Variants in ABCA3 observed in about 807,000 individuals in gnomAD.
ABCA3 encodes ATP binding cassette subfamily A member 3, also known as phospholipid-transporting ATPase ABCA3.
ABCA3 carries 88 observed loss-of-function variants against 172.8 expected under a neutral mutation model. The ratio of observed to expected loss-of-function variants is 0.51; its 90% CI spans 0.43 to 0.61. The LOEUF (loss-of-function observed/expected upper bound fraction) is 0.61. Among genes scored for constraint, ABCA3 ranks in the 20% least tolerant of loss-of-function variants. The pLI is 0.00. For missense variants in ABCA3, 2,164 were observed against 2,301.0 expected, an observed-to-expected ratio of 0.94 and a Z score of 1.22; for synonymous variants, 1,066 against 983.8, an observed-to-expected ratio of 1.08 and a Z score of -1.56.
At position 2,297,337 on chromosome 16, in the gene ABCA3, T is replaced by C. The variant is rs1248202696; in HGVS notation, c.2255A>G (p.Gln752Arg). 1.2e-6 allele frequency: 2 copies of C among 1,611,300 alleles called. No individual in the cohort carries two copies. The highest frequency in any genetic ancestry group is 2.2e-5 in the East Asian group (1 of 44,850). The change falls in exon 17 of 33, where the codon CAG becomes CGG. Residue 752 changes from glutamine to arginine, a missense_variant. Gln to Arg is a conservative substitution (Grantham distance 43). Around this residue, in one of 3 missense-constraint regions of ABCA3, gnomAD observed 1,343 missense variants for 1,369.6 expected, o/e 0.98. Transcript: ENST00000301732. The surrounding 1 kb of genome is among the most constrained non-coding windows in gnomAD (Gnocchi z 5.6). Reference protein sequence around the residue: ...QCCGSSLFLKQKYGAGYHMTL... With the variant: ...QCCGSSLFLKRKYGAGYHMTL... The stretch of plus-strand genomic sequence containing the variant: ...CTGGCCCCACCGCTCACCGTATTTC[T>C]GCTTGAGGAACAGCGAGGACCCGCA...
rs545798928 is a variant in ABCA3 at position 2,286,466 on chromosome 16, A to G, written c.3278+228T>C. Among the ~76,000 whole-genome samples, 2 of 152,294 alleles carry G rather than the reference A, an allele frequency of 1.3e-5. No homozygotes were observed. The highest frequency in any genetic ancestry group is 6.5e-5 in the Admixed American group (1 of 15,300). On this transcript the variant is annotated intron_variant, in intron 22 of 32. Coordinates refer to ENST00000301732, the MANE Select transcript of ABCA3 (RefSeq NM_001089.3). This position sits in a 1 kb window ranked among gnomAD's most constrained non-coding sequence, Gnocchi z 5.2. ...AGGCAGGGCTGCCTGCCGAGCCTTC[A>G]TGGGTCCCCGTGAGGACCGCAGTGC...
At position 2,328,509 on chromosome 16, in the gene ABCA3, A is replaced by T. The variant is rs1345779984; in HGVS notation, c.-83T>A. On this transcript the variant is annotated 5_prime_UTR_variant, in exon 3 of 33. Coordinates refer to ENST00000301732, the MANE Select transcript of ABCA3 (RefSeq NM_001089.3). ...CAAGTAGGCGCTGCAACCCGCAGGA[A>T]ATAGGAGAAACGTGCTCTGAAAACT... 1 of 513,712 alleles carries T rather than the reference A, an allele frequency of 1.9e-6. No homozygotes were observed. The highest frequency in any genetic ancestry group is 3.9e-6 in the Non-Finnish European group (1 of 257,678). 31.8% of individuals were successfully genotyped at this position (513,712 alleles called of 1,614,324 possible).
At chr16:2,314,688 T>C (rs1184016326) in intron 10 of ABCA3, among the ~76,000 whole-genome samples, 1 of 151,974 alleles carries the variant, frequency 6.6e-6, no homozygotes, top group Non-Finnish European at 1.5e-5. Context: ...GCAATTCTCC[T>C]GCCTCAACCT....
At chr16:2,325,903 G>A in intron 5 of ABCA3, 107 bp downstream of exon 5, 3 of 1,512,128 alleles carry the variant, frequency 2.0e-6, no homozygotes, top group South Asian at 1.1e-5. Flanking sequence ...TCTGCACAGG[G>A]TGAACTCCTC....
intron 7 of ABCA3, among the ~76,000 whole-genome samples, chr16:2,321,303 A>G (rs1265080844): frequency 6.6e-6 from 1 of 151,968 alleles, no homozygotes; most frequent in Admixed American, 6.6e-5. Context: ...CACACCCCAC[A>G]CCAGGTCTTG....
chr16:2,317,209 G>C, intron 10 of ABCA3, 74 bp downstream of exon 10: 1 of 1,601,290 alleles, frequency 6.2e-7, no homozygotes, highest in Non-Finnish European at 8.5e-7. Context: ...TCCGATCACA[G>C]CCTCTGGGTT....
chr16:2,292,115 T>A (rs202055617), intron 19 of ABCA3, 25 bp downstream of exon 19: 1 of 1,582,502 alleles, frequency 6.3e-7, no homozygotes, highest in African/African-American at 1.4e-5. Context: ...CAGTCCTAGG[T>A]GGACGGAAAT....
Position 2,284,171 on chromosome 16 carries a change from CCCAGGCCACT to C in ABCA3, c.3862+98_3862+107del. ...AGGCGGTACAGAGGAACGCACCAGC[CCCAGGCCACT>C]CAGACGCAGAGGAGCCCCTGCCCTA... On this transcript the variant is annotated intron_variant, in intron 25 of 32. Coordinates refer to ENST00000301732, the MANE Select transcript of ABCA3 (RefSeq NM_001089.3). The surrounding 1 kb of genome is among the most constrained non-coding windows in gnomAD (Gnocchi z 5.9). The C allele has an allele frequency of 7.2e-7, 1 of 1,392,850 alleles. No individual in the cohort carries two copies. Among genetic ancestry groups the C allele is most frequent in the Non-Finnish European group, 9.7e-7 (1 of 1,035,046 alleles). The allele number at this position is 1,392,850 out of a possible 1,614,324, so 86.3% of individuals were successfully genotyped here.
chr16:2,295,695 G>T lies in ABCA3; in HGVS notation c.2309C>A (p.Pro770Gln), dbSNP rs143929832. Residue 770 changes from proline (P) to glutamine (Q), a missense_variant, in exon 18 of 33, where the codon CCG becomes CAG. Pro to Gln is a moderately conservative substitution (Grantham distance 76, BLOSUM62 -1). Transcript: ENST00000301732. ...MTLVKEPHCNPEDISQLVHHH... is the reference protein window; with the variant it reads ...MTLVKEPHCNQEDISQLVHHH... ...GTGGACCAGCTGGGAGATGTCTTCCGGGTTGCAGTGCGGCTCCTTCACCAG... is the reference window on the plus strand; with the variant it reads ...GTGGACCAGCTGGGAGATGTCTTCCTGGTTGCAGTGCGGCTCCTTCACCAG... 1.2e-6 allele frequency: 2 copies of T among 1,613,952 alleles called. No homozygotes were observed. The highest frequency in any genetic ancestry group is 2.7e-5 in the African/African-American group (2 of 74,950).
At chr16:2,290,812 C>T (rs1167144687) in intron 19 of ABCA3, among the ~76,000 whole-genome samples, 1 of 152,212 alleles carries the variant, frequency 6.6e-6, no homozygotes, top group Admixed American at 6.5e-5. Flanking sequence ...TGTATGATCA[C>T]CTATTCTGTC....
In ABCA3 at chr16:2,316,490, C is replaced by CAAAAAAAAAAAAA. The variant is rs71148128; in HGVS notation, c.1111+780_1111+792dup. ...CAAAACCCCGTCTCTACTAAAAATG[C>CAAAAAAAAAAAAA]AAAAAAAAAAAAAAAAAAAAAAAAA... On this transcript the variant is annotated intron_variant, in intron 10 of 32. Transcript: ENST00000301732. 2.7e-3 allele frequency among the ~76,000 whole-genome samples: 77 copies of CAAAAAAAAAAAAA among 28,866 alleles called. 34 individuals are homozygous for CAAAAAAAAAAAAA. The highest frequency in any genetic ancestry group is 3.9e-3 in the Non-Finnish European group (51 of 13,000). The allele number at this position is 28,866 out of a possible 152,430, so 18.9% of individuals were successfully genotyped here.
intron 8 of ABCA3, among the ~76,000 whole-genome samples, chr16:2,318,119 C>T (rs905342731): frequency 9.8e-5 from 15 of 152,298 alleles, no homozygotes; most frequent in East Asian, 5.8e-4. Context: ...GGGGGTGGGC[C>T]GAAAGACCCT....
At position 2,276,770 on chromosome 16, in the gene ABCA3, G is replaced by A. The variant is rs746908934; in HGVS notation, c.5019C>T (p.Tyr1673=). 1.9e-5 allele frequency: 31 copies of A among 1,613,850 alleles called. No individual in the cohort carries two copies. Among genetic ancestry groups the A allele is most frequent in the Middle Eastern group, 3.3e-4 (2 of 6,084 alleles). The change falls in exon 33 of 33, where the codon TAC becomes TAT. Residue 1673 remains tyrosine (Y), a synonymous_variant. Coordinates refer to ENST00000301732, the MANE Select transcript of ABCA3 (RefSeq NM_001089.3). ...GGCTCACGGAGTAGTCGTCCACGCC[G>A]TACTTTTCCTTGGCTTTCTCCAGAA... The part of the protein sequence containing the change: ...FGILEKAKEK[Y]GVDDYSVSQI...
At chr16:2,316,871 T>G (rs1465573896) in intron 10 of ABCA3, among the ~76,000 whole-genome samples, 1 of 151,712 alleles carries the variant, frequency 6.6e-6, no homozygotes, top group Non-Finnish European at 1.5e-5. Context: ...CCATCCGAGG[T>G]AAAAGGCACT....
intron 12 of ABCA3, among the ~76,000 whole-genome samples, chr16:2,301,225 C>T (rs1201025234): frequency 4.7e-5 from 7 of 147,400 alleles, no homozygotes; most frequent in East Asian, 4.0e-4. Flanking sequence ...AGCGAGACTC[C>T]GTCTCAAAAA....
intron 20 of ABCA3, 107 bp downstream of exon 20, chr16:2,289,327 G>T: frequency 7.2e-7 from 1 of 1,394,540 alleles, no homozygotes; most frequent in South Asian, 1.3e-5. Flanking sequence ...TGACTCTCCC[G>T]GACCCTGTTT....
At chr16:2,289,971 A>ACACG (rs1018810174) in intron 19 of ABCA3, among the ~76,000 whole-genome samples, 1 of 150,022 alleles carries the variant, frequency 6.7e-6, no homozygotes, top group Non-Finnish European at 1.5e-5. Flanking sequence ...TCACACACAC[A>ACACG]CACACACACA....
At chr16:2,331,873 A>G (rs193155880) in intron 1 of ABCA3, among the ~76,000 whole-genome samples, 1 of 152,280 alleles carries the variant, frequency 6.6e-6, no homozygotes, top group Admixed American at 6.5e-5. Context: ...AGCTTCAAGA[A>G]CTTCCCTTTG....
Position 2,306,323 on chromosome 16 carries a change from TCCAAAAAAAAA to T in ABCA3, c.1285+2116_1285+2126del, listed in dbSNP as rs2141717859. On this transcript the variant is annotated intron_variant, in intron 11 of 32. Transcript: ENST00000301732. ...CTGGGCAATGGAGTAAGACCCTATC[TCCAAAAAAAAA>T]TTGTTAAAAAGAAAGCAAAAGAACA... Among the ~76,000 whole-genome samples the T allele has an allele frequency of 2.6e-5, 4 of 151,542 alleles. No individual in the cohort carries two copies. The South Asian group carries it at 8.3e-4, about 32-fold the overall frequency.
Sources: gnomAD v4.1 joint callset for allele counts (sites outside exome capture counted in the v4.1 genomes callset) on GRCh38, gnomAD v4.1.1 for gene constraint, gnomAD v4.1.1 regional missense constraint, Gnocchi (gnomAD v3.1) non-coding constraint, MANE v1.5 for transcripts, NCBI Gene and HGNC (gene_info 2026-07-23, HGNC 2026-07-21) for gene names.